Variants in RCAN2 observed in about 807,000 individuals in gnomAD.
The protein encoded by RCAN2 is calcipressin-2.
In RCAN2, 9 loss-of-function variants were observed where a neutral mutation model predicts 23.6. The observed-to-expected ratio is 0.38, with a 90% CI of 0.23 to 0.67. The LOEUF (loss-of-function observed/expected upper bound fraction) is 0.67. RCAN2 is among the 30% of genes least tolerant of loss of function. The pLI, the probability that RCAN2 is intolerant of heterozygous loss-of-function variation, is 0.51. For synonymous variants in RCAN2, 109 were observed against 115.7 expected, an observed-to-expected ratio of 0.94 and a Z score of 0.37; for missense variants, 273 against 302.3, an observed-to-expected ratio of 0.90 and a Z score of 0.72.
chr6:46,310,695 A>G (rs1763227907), intron 2 of RCAN2, among the ~76,000 whole-genome samples: 1 of 152,202 alleles, frequency 6.6e-6, no homozygotes, highest in African/African-American at 2.4e-5. Context: ...TACCAAATGA[A>G]GCAACTGATA....
At chr6:46,440,736 AT>A (rs1459914521) in intron 2 of RCAN2, among the ~76,000 whole-genome samples, 3 of 152,180 alleles carry the variant, frequency 2.0e-5, no homozygotes, top group Non-Finnish European at 4.4e-5. Context: ...AGAAAAACAC[AT>A]AAATCACATA....
At chr6:46,235,856 T>A (rs1411286975) in intron 4 of RCAN2, among the ~76,000 whole-genome samples, 1 of 152,228 alleles carries the variant, frequency 6.6e-6, no homozygotes, top group Non-Finnish European at 1.5e-5. Context: ...CTAACTTCCG[T>A]GCCAGAATAA....
At chr6:46,249,337 TAGAC>T (rs1364906456) in intron 2 of RCAN2, among the ~76,000 whole-genome samples, 2 of 104,146 alleles carry the variant, frequency 1.9e-5, no homozygotes, top group African/African-American at 7.4e-5. Context: ...TTTTTTTTTT[TAGAC>T]AGAGTCTTGC....
At chr6:46,391,930 A>C (rs959706647) in intron 2 of RCAN2, among the ~76,000 whole-genome samples, 4 of 152,196 alleles carry the variant, frequency 2.6e-5, no homozygotes, top group African/African-American at 9.7e-5. Context: ...AGAAAAATCA[A>C]GGTTTACAAA....
At chr6:46,331,315 T>C (rs890331532) in intron 2 of RCAN2, among the ~76,000 whole-genome samples, 3 of 152,226 alleles carry the variant, frequency 2.0e-5, no homozygotes, top group African/African-American at 7.2e-5. Flanking sequence ...TCAGTTTTTT[T>C]TTTTCATGAT....
intron 3 of RCAN2, 62 bp from the exon 4 acceptor site, chr6:46,246,981 C>T (rs1459396535): frequency 7.4e-7 from 1 of 1,353,954 alleles, no homozygotes; most frequent in Admixed American, 2.5e-5. Flanking sequence ...GTCATGTTGG[C>T]ACATTAAAAC....
intron 2 of RCAN2, among the ~76,000 whole-genome samples, chr6:46,411,213 G>A (rs1766542273): frequency 6.6e-6 from 1 of 152,150 alleles, no homozygotes. Context: ...TCTGACACAC[G>A]TTACAACATG....
intron 2 of RCAN2, among the ~76,000 whole-genome samples, chr6:46,264,941 G>C (rs1197478180): frequency 6.6e-6 from 1 of 152,156 alleles, no homozygotes; most frequent in African/African-American, 2.4e-5. Context: ...GAGATTAAAC[G>C]ATCTGCCTAA....
At chr6:46,374,401 T>C (rs974930809) in intron 2 of RCAN2, among the ~76,000 whole-genome samples, 1 of 152,240 alleles carries the variant, frequency 6.6e-6, no homozygotes, top group Non-Finnish European at 1.5e-5. Context: ...ATTTCATACA[T>C]GTTGCTCCAG....
At chr6:46,454,190 A>T (rs1376501395) in intron 2 of RCAN2, among the ~76,000 whole-genome samples, 1 of 152,226 alleles carries the variant, frequency 6.6e-6, no homozygotes, top group East Asian at 1.9e-4. Flanking sequence ...GCTCAGATTC[A>T]CGAAACCTAA....
At chr6:46,465,862 A>C (rs996080679) in intron 1 of RCAN2, among the ~76,000 whole-genome samples, 2 of 152,194 alleles carry the variant, frequency 1.3e-5, no homozygotes, top group Non-Finnish European at 2.9e-5. Flanking sequence ...GTAGTCTAGA[A>C]ATTTTATAGG....
intron 2 of RCAN2, among the ~76,000 whole-genome samples, chr6:46,275,646 G>A (rs776585723): frequency 2.0e-4 from 30 of 152,166 alleles, no homozygotes; most frequent in Non-Finnish European, 3.8e-4. Flanking sequence ...TCAGAGGCTA[G>A]TGATGACAAA....
At chr6:46,417,689 A>G (rs1335839756) in intron 2 of RCAN2, among the ~76,000 whole-genome samples, 1 of 152,216 alleles carries the variant, frequency 6.6e-6, no homozygotes, top group African/African-American at 2.4e-5. Flanking sequence ...ATATAATCTT[A>G]TCGACATAAT....
At chr6:46,228,647 T>C (rs1296309774) in intron 4 of RCAN2, among the ~76,000 whole-genome samples, 1 of 152,192 alleles carries the variant, frequency 6.6e-6, no homozygotes, top group Non-Finnish European at 1.5e-5. Context: ...CCTCCATCTC[T>C]TTATTTTGAG....
At chr6:46,360,815 G>A (rs1385615512) in intron 2 of RCAN2, among the ~76,000 whole-genome samples, 1 of 152,174 alleles carries the variant, frequency 6.6e-6, no homozygotes, top group African/African-American at 2.4e-5. Context: ...AAGTAATCTA[G>A]AAATGTGACT....
chr6:46,366,132 C>T (rs1345792133), intron 2 of RCAN2, among the ~76,000 whole-genome samples: 1 of 152,192 alleles, frequency 6.6e-6, no homozygotes, highest in Non-Finnish European at 1.5e-5. Context: ...CCAAAGCAAT[C>T]ACCCAGAACC....
intron 2 of RCAN2, among the ~76,000 whole-genome samples, chr6:46,268,971 G>A: frequency 6.6e-6 from 1 of 152,144 alleles, no homozygotes; most frequent in Non-Finnish European, 1.5e-5. Flanking sequence ...AAGCTTTTGT[G>A]CTGCAATACA....
At chr6:46,474,220 G>A (rs1336547882) in intron 1 of RCAN2, among the ~76,000 whole-genome samples, 1 of 151,956 alleles carries the variant, frequency 6.6e-6, no homozygotes, top group African/African-American at 2.4e-5. Context: ...GTAGTGGGGG[G>A]TAGCTGGGGG....
At chr6:46,321,896 C>G (rs1763629613) in intron 2 of RCAN2, among the ~76,000 whole-genome samples, 1 of 152,198 alleles carries the variant, frequency 6.6e-6, no homozygotes, top group African/African-American at 2.4e-5. Flanking sequence ...AGTGCTTAAG[C>G]AGAGCTTACT....
Sources: allele counts gnomAD v4.1 joint callset (sites outside exome capture counted in the v4.1 genomes callset), GRCh38; gene constraint gnomAD v4.1.1; transcripts MANE v1.5; gene names NCBI Gene and HGNC (gene_info 2026-07-23, HGNC 2026-07-21).